The following IL1RAPL2 variants were observed in gnomAD, a reference collection of about 807,000 sequenced individuals.
The protein encoded by IL1RAPL2 is X-linked interleukin-1 receptor accessory protein-like 2.
In IL1RAPL2, 3 loss-of-function variants were observed where a neutral mutation model predicts 44.1. That is an observed-to-expected ratio of 0.07 (90% CI 0.03 to 0.18). IL1RAPL2 has a LOEUF of 0.18. Among genes scored for constraint, IL1RAPL2 ranks in the 10% least tolerant of loss-of-function variants. IL1RAPL2 has a pLI of 1.00. For synonymous variants in IL1RAPL2, 181 were observed against 178.8 expected (o/e 1.01, Z -0.10); for missense variants, 391 against 496.4 (o/e 0.79, Z 2.02).
intron 2 of IL1RAPL2, among the ~76,000 whole-genome samples, chrX:104,727,634 A>G (rs1931821814): frequency 9.0e-6 from 1 of 111,618 alleles, no homozygotes; most frequent in South Asian, 3.7e-4. Flanking sequence ...GTTTGTACTC[A>G]TATGTTGATT....
chrX:105,450,089 T>C (rs2036008910), intron 5 of IL1RAPL2, among the ~76,000 whole-genome samples: 1 of 112,099 alleles, frequency 8.9e-6, no homozygotes, highest in Admixed American at 9.4e-5. Flanking sequence ...GTTTCATCCA[T>C]TGGGATGGGC....
intron 1 of IL1RAPL2, among the ~76,000 whole-genome samples, chrX:104,655,958 G>T (rs1031490994): frequency 9.0e-6 from 1 of 111,631 alleles, no homozygotes; most frequent in African/African-American, 3.3e-5. Flanking sequence ...GTTAATTTGC[G>T]TAGAGGTGTT....
chrX:105,479,349 A>C (rs1017617089), intron 5 of IL1RAPL2, among the ~76,000 whole-genome samples: 1 of 111,759 alleles, frequency 8.9e-6, no homozygotes, highest in African/African-American at 3.3e-5. Flanking sequence ...ACTTAGAGGA[A>C]GAGTTTAAGC....
At chrX:105,417,450 G>T (rs1269442270) in intron 5 of IL1RAPL2, among the ~76,000 whole-genome samples, 1 of 112,892 alleles carries the variant, frequency 8.9e-6, no homozygotes, top group Non-Finnish European at 1.9e-5. Flanking sequence ...TTCAGCCTGG[G>T]CAACAGAACG....
chrX:105,106,541 G>T (rs1442211786), intron 2 of IL1RAPL2, among the ~76,000 whole-genome samples: 1 of 111,248 alleles, frequency 9.0e-6, no homozygotes, highest in Admixed American at 9.6e-5. Flanking sequence ...AGTCTACTCA[G>T]AAATATACAA....
At chrX:105,103,439 G>A (rs142539379) in intron 2 of IL1RAPL2, among the ~76,000 whole-genome samples, 1,176 of 111,459 alleles carry the variant, frequency 0.011, 9 homozygotes, top group Non-Finnish European at 0.015. Flanking sequence ...AACCTATGCC[G>A]CCATCTTTCA....
intron 2 of IL1RAPL2, among the ~76,000 whole-genome samples, chrX:104,719,659 C>T (rs1931640147): frequency 9.0e-6 from 1 of 111,576 alleles, no homozygotes; most frequent in Non-Finnish European, 1.9e-5. Flanking sequence ...AAAGCAACTC[C>T]ATTACCTTCC....
At chrX:105,711,847 A>C (rs1346317889) in intron 6 of IL1RAPL2, among the ~76,000 whole-genome samples, 1 of 111,938 alleles carries the variant, frequency 8.9e-6, no homozygotes, top group African/African-American at 3.3e-5. Context: ...TAAGTCCAAA[A>C]CCCAAAATGG....
chrX:105,189,280 C>T lies in IL1RAPL2; in HGVS notation c.83-6195C>T, dbSNP rs150399722. 2.8e-4 allele frequency among the ~76,000 whole-genome samples: 31 copies of T among 112,348 alleles called. 1 individual carries two copies. The highest frequency in any genetic ancestry group is 2.0e-3 in the East Asian group (7 of 3,560). ...TTGCCCAGGCTGGAGTGCAGTGGCA[C>T]GACCTCTGCTGGTGTGCAGTGGTGC... On this transcript the variant is annotated intron_variant, in intron 2 of 10. Coordinates refer to ENST00000372582, the MANE Select transcript of IL1RAPL2 (RefSeq NM_017416.2).
At chrX:105,728,046 T>C (rs2038366942) in intron 7 of IL1RAPL2, among the ~76,000 whole-genome samples, 3 of 111,462 alleles carry the variant, frequency 2.7e-5, no homozygotes, top group African/African-American at 9.8e-5. Flanking sequence ...CCAACGTCTA[T>C]AGTTTACATT....
At chrX:105,039,778 G>A (rs2031691492) in intron 2 of IL1RAPL2, among the ~76,000 whole-genome samples, 1 of 111,426 alleles carries the variant, frequency 9.0e-6, no homozygotes, top group South Asian at 3.8e-4. Flanking sequence ...AGGAGATTTT[G>A]GGCTGAGACG....
chrX:105,434,563 GT>G (rs769606562), intron 5 of IL1RAPL2, among the ~76,000 whole-genome samples: 370 of 111,932 alleles, frequency 3.3e-3, no homozygotes, highest in Non-Finnish European at 5.6e-3. Context: ...TGATGGGATT[GT>G]TTTTTTCTTG....
chrX:105,763,743 C>A (rs1315818442), intron 10 of IL1RAPL2, among the ~76,000 whole-genome samples: 1 of 110,929 alleles, frequency 9.0e-6, no homozygotes, highest in Non-Finnish European at 1.9e-5. Flanking sequence ...AAGAGCCAGT[C>A]AGCTCTTAGA....
intron 2 of IL1RAPL2, among the ~76,000 whole-genome samples, chrX:105,076,486 G>A (rs757066801): frequency 9.0e-6 from 1 of 111,623 alleles, no homozygotes; most frequent in South Asian, 3.8e-4. Flanking sequence ...TTTGGAATAG[G>A]TGTGGTGTGG....
At chrX:105,308,737 G>A (rs1011789399) in intron 5 of IL1RAPL2, among the ~76,000 whole-genome samples, 2 of 112,327 alleles carry the variant, frequency 1.8e-5, no homozygotes, top group Non-Finnish European at 3.8e-5. Context: ...TATGAGTAAA[G>A]CTGCTATAAA....
At chrX:105,420,812 C>G (rs977254663) in intron 5 of IL1RAPL2, among the ~76,000 whole-genome samples, 25 of 111,253 alleles carry the variant, frequency 2.2e-4, no homozygotes, top group Admixed American at 1.1e-3. Flanking sequence ...AGCCTATTTA[C>G]AGGTATCAGG....
Position 104,809,672 on chromosome X carries a change from G to A in IL1RAPL2, c.82+150677G>A, listed in dbSNP as rs749117730. On this transcript the variant is annotated intron_variant, in intron 2 of 10. Coordinates refer to ENST00000372582, the MANE Select transcript of IL1RAPL2 (RefSeq NM_017416.2). ...GGTTGCGAAAATTTTCTCCCATTTT[G>A]TAGGTTGCCTGTTCACTCTGATGGT... 6.2e-3 allele frequency among the ~76,000 whole-genome samples: 683 copies of A among 109,584 alleles called. 3 individuals carry two copies. Among genetic ancestry groups the A allele is most frequent in the African/African-American group, 0.022 (653 of 29,986 alleles).
intron 4 of IL1RAPL2, among the ~76,000 whole-genome samples, chrX:105,237,917 G>A (rs2034136318): frequency 8.9e-6 from 1 of 111,943 alleles, no homozygotes; most frequent in Non-Finnish European, 1.9e-5. Flanking sequence ...TTATTCTGGT[G>A]CTCATTCAAA....
At chrX:105,389,694 AG>A (rs1217967561) in intron 5 of IL1RAPL2, among the ~76,000 whole-genome samples, 1 of 111,736 alleles carries the variant, frequency 8.9e-6, no homozygotes, top group Non-Finnish European at 1.9e-5. Context: ...TTTGATCTCC[AG>A]GATAGTTCTT....
Sources: allele counts gnomAD v4.1 joint callset (sites outside exome capture counted in the v4.1 genomes callset), GRCh38; gene constraint gnomAD v4.1.1; transcripts MANE v1.5; gene names NCBI Gene and HGNC (gene_info 2026-07-23, HGNC 2026-07-21).